Variants in ZNF106 observed in about 807,000 individuals in gnomAD.
ZNF106 encodes the protein zinc finger protein 106.
Under a neutral mutation model 195.1 loss-of-function variants are expected in ZNF106, and 67 were observed. That is an observed-to-expected ratio of 0.34 (90% confidence interval 0.28 to 0.42). The LOEUF (loss-of-function observed/expected upper bound fraction) is 0.42. Among genes scored for constraint, ZNF106 ranks in the 10% least tolerant of loss-of-function variants. The pLI is 1.00. For missense variants in ZNF106, 2,118 were observed against 2,304.5 expected (o/e 0.92, Z 1.66); for synonymous variants, 784 against 818.6 (o/e 0.96, Z 0.72).
chr15:42,473,255 C>G (rs1334990836), intron 1 of ZNF106, among the ~76,000 whole-genome samples: 1 of 152,160 alleles, frequency 6.6e-6, no homozygotes, highest in African/African-American at 2.4e-5. Context: ...CTTTTGGTCC[C>G]AAGCATTTCG....
chr15:42,446,916 A>G (rs897346642), intron 6 of ZNF106, among the ~76,000 whole-genome samples: 1 of 152,220 alleles, frequency 6.6e-6, no homozygotes, highest in East Asian at 1.9e-4. Context: ...AGGTCAGGGA[A>G]AGCATTTCAT....
At chr15:42,454,565 G>GA (rs1282267162) in intron 4 of ZNF106, among the ~76,000 whole-genome samples, 2,514 of 143,202 alleles carry the variant, frequency 0.018, 69 homozygotes, top group African/African-American at 0.058. Context: ...AAGGAAAAAA[G>GA]AAAAAAAAAA....
intron 17 of ZNF106, among the ~76,000 whole-genome samples, chr15:42,423,553 A>AT (rs1171718221): frequency 1.3e-5 from 2 of 151,512 alleles, no homozygotes; most frequent in South Asian, 2.1e-4. Context: ...TTAAAAAAAA[A>AT]TTTTTTTTAA....
intron 2 of ZNF106, 39 bp downstream of exon 2, chr15:42,472,195 AAT>A (rs1390022447): frequency 4.0e-6 from 6 of 1,516,584 alleles, no homozygotes; most frequent in Non-Finnish European, 4.4e-6. Flanking sequence ...CTCTTTAAAA[AAT>A]AGTCATAAAG....
chr15:42,446,390 G>A (rs1228276847), intron 7 of ZNF106, among the ~76,000 whole-genome samples, 199 bp downstream of exon 7: 1 of 152,082 alleles, frequency 6.6e-6, no homozygotes, highest in African/African-American at 2.4e-5. Flanking sequence ...AGTCCAGCCT[G>A]GGCAATATAG....
At chr15:42,418,532 ATTTTTTTTTTTTT>A (rs1162999546) in intron 20 of ZNF106, among the ~76,000 whole-genome samples, 1 of 96,228 alleles carries the variant, frequency 1.0e-5, no homozygotes, top group Non-Finnish European at 2.0e-5. Context: ...CGGCCAGTTA[ATTTTTTTTTTTTT>A]TTTTTTTTTT....
chr15:42,444,824 T>C lies in ZNF106; in HGVS notation c.3360+3A>G, dbSNP rs2055706363. On this transcript the variant is annotated splice_donor_region_variant and intron_variant, in intron 8 of 21. Transcript: ENST00000564754. Reference sequence around the variant, plus strand: ...TTTTATTAAATCCTCCACATGCTGTTACCTGCTGCTTGAGCATAAGTAGCC... The same window carrying C: ...TTTTATTAAATCCTCCACATGCTGTCACCTGCTGCTTGAGCATAAGTAGCC... The C allele has an allele frequency of 3.1e-6, 5 of 1,613,480 alleles. No individual in the cohort carries two copies. The highest frequency in any genetic ancestry group is 4.2e-6 in the Non-Finnish European group (5 of 1,179,830).
At chr15:42,486,439 T>G (rs2057018627) in intron 1 of ZNF106, among the ~76,000 whole-genome samples, 1 of 152,134 alleles carries the variant, frequency 6.6e-6, no homozygotes, top group Non-Finnish European at 1.5e-5. Context: ...TTTAAAATTT[T>G]TTGTAGAGAC....
intron 14 of ZNF106, among the ~76,000 whole-genome samples, chr15:42,431,053 C>A (rs1020511882): frequency 6.6e-6 from 1 of 151,992 alleles, no homozygotes; most frequent in Non-Finnish European, 1.5e-5. Context: ...ACAAATGATA[C>A]GTTGCATTTT....
At position 42,472,285 on chromosome 15, in the gene ZNF106, A is replaced by G. The variant is rs2141423330; in HGVS notation, c.5T>C (p.Val2Ala). The stretch of plus-strand genomic sequence containing the variant: ...GCATAATATGCATTTTCGTTCTCGT[A>G]CCATAGTGACCAGATCTGAAGCACT... MVRERKCILCHI... is the reference protein window; with the variant it reads MARERKCILCHI... Residue 2 changes from valine to alanine, a missense_variant, in exon 2 of 22, where the codon GTA (valine) becomes GCA (alanine). Val to Ala is a moderately conservative substitution (Grantham distance 64). Coordinates refer to ENST00000564754, the MANE Select transcript of ZNF106 (RefSeq NM_001366845.3). 9.8e-6 allele frequency: 15 copies of G among 1,535,832 alleles called. No individual in the cohort carries two copies. Among genetic ancestry groups the G allele is most frequent in the Non-Finnish European group, 1.2e-5 (14 of 1,146,742 alleles).
chr15:42,417,806 T>TG lies in ZNF106; in HGVS notation c.5662dup (p.Gln1888ProfsTer8). 4 of 1,612,570 alleles carry TG rather than the reference T, an allele frequency of 2.5e-6. No homozygotes were observed. The highest frequency in any genetic ancestry group is 3.4e-6 in the Non-Finnish European group (4 of 1,179,334). On this transcript the variant is annotated frameshift_variant and splice_region_variant, in exon 21 of 22. Coordinates refer to ENST00000564754, the MANE Select transcript of ZNF106 (RefSeq NM_001366845.3). LOFTEE classifies it high-confidence loss of function. ...AAACCTCAAGTCCCACTAATGTACCTGTTTGGATCCTTTCCTAGCAGTGAA... is the reference window on the plus strand; with the variant it reads ...AAACCTCAAGTCCCACTAATGTACCTGGTTTGGATCCTTTCCTAGCAGTGAA...
chr15:42,456,504 T>C (rs2056231740), intron 4 of ZNF106, among the ~76,000 whole-genome samples: 1 of 151,902 alleles, frequency 6.6e-6, no homozygotes, highest in Admixed American at 6.6e-5. Context: ...CAAAAAAAAT[T>C]AGCCAGGCAT....
Position 42,435,490 on chromosome 15 carries a change from C to A in ZNF106, c.4775G>T (p.Gly1592Val). The change falls in exon 14 of 22, where the codon GGT (glycine) becomes GTT (valine). Residue 1592 changes from glycine to valine, a missense_variant. Physicochemically the swap from Gly to Val is moderately radical, Grantham distance 109 (BLOSUM62 -3). Coordinates refer to ENST00000564754, the MANE Select transcript of ZNF106 (RefSeq NM_001366845.3). Reference sequence around the variant, plus strand: ...GAGGCAGTTAACTTTGGAGGTATGACCCTCAAAGACACCAATACATTTCCG... The same window carrying A: ...GAGGCAGTTAACTTTGGAGGTATGAACCTCAAAGACACCAATACATTTCCG... ...VSRKCIGVFE[G>V]HTSKVNCLLV... 1.2e-6 allele frequency: 2 copies of A among 1,614,134 alleles called. No homozygotes were observed. The highest frequency in any genetic ancestry group is 1.7e-6 in the Non-Finnish European group (2 of 1,180,020).
Position 42,442,371 on chromosome 15 carries a change from G to A in ZNF106, c.3465C>T (p.Ser1155=), listed in dbSNP as rs765549486. 2.5e-6 allele frequency: 4 copies of A among 1,613,964 alleles called. No homozygotes were observed. In the South Asian group the frequency reaches 4.4e-5, roughly 18 times the overall value. ...PSEHPDQVPC[S]LTRERRNSRS... ...TACTGTTCCTTCGTTCTCGTGTGAGGCTACAGGGAACCTGGTCTGGGTGCT... is the reference window on the plus strand; with the variant it reads ...TACTGTTCCTTCGTTCTCGTGTGAGACTACAGGGAACCTGGTCTGGGTGCT... The change falls in exon 10 of 22, where the codon AGC becomes AGT. Residue 1155 remains serine, a synonymous_variant. Coordinates refer to ENST00000564754, the MANE Select transcript of ZNF106 (RefSeq NM_001366845.3).
Position 42,484,070 on chromosome 15 carries a change from T to C in ZNF106, c.-33+6910A>G, listed in dbSNP as rs985265382. 4.6e-5 allele frequency among the ~76,000 whole-genome samples: 7 copies of C among 152,326 alleles called. No individual in the cohort carries two copies. The East Asian group carries it at 1.4e-3, about 29-fold the overall frequency. ...GACCCAACTTTTTTCCTAAAACATA[T>C]CATTGTGGAAATTTTCATTCATACA... On this transcript the variant is annotated intron_variant, in intron 1 of 21. Transcript: ENST00000564754.
At chr15:42,472,402 G>C (rs2056694532) in intron 1 of ZNF106, 81 bp from the exon 2 acceptor site, 1 of 1,025,786 alleles carries the variant, frequency 9.7e-7, no homozygotes, top group African/African-American at 1.6e-5. Flanking sequence ...AAAATTACAA[G>C]TCTTATCTTC....
At chr15:42,440,999 ATATAT>A (rs1427152329) in intron 10 of ZNF106, among the ~76,000 whole-genome samples, 7 of 32,170 alleles carry the variant, frequency 2.2e-4, no homozygotes, top group Non-Finnish European at 4.8e-4. Context: ...AAAAAAAAAA[ATATAT>A]ATATATATAT....
intron 1 of ZNF106, among the ~76,000 whole-genome samples, chr15:42,485,181 ATGTT>A (rs1308142711): frequency 6.6e-6 from 1 of 152,194 alleles, no homozygotes; most frequent in Non-Finnish European, 1.5e-5. Flanking sequence ...AAAATACTGT[ATGTT>A]TATGTTAAAC....
rs1277755124 is a variant in ZNF106 at position 42,456,951 on chromosome 15, T to A, written c.317+7A>T. ...GATAGGCTTTTTTTAAAAAATCAAT[T>A]ACTTACCGACTTTGTTCTTTCCTTT... On this transcript the variant is annotated splice_region_variant and intron_variant, in intron 4 of 21. Coordinates refer to ENST00000564754, the MANE Select transcript of ZNF106 (RefSeq NM_001366845.3). 1 of 1,609,830 alleles carries A rather than the reference T, an allele frequency of 6.2e-7. No individual in the cohort carries two copies.
Sources: allele counts gnomAD v4.1 joint callset (sites outside exome capture counted in the v4.1 genomes callset), GRCh38; gene constraint gnomAD v4.1.1; transcripts MANE v1.5; gene names NCBI Gene and HGNC (gene_info 2026-07-23, HGNC 2026-07-21).